Variants in MCPH1 observed in about 807,000 individuals in gnomAD.
The protein encoded by MCPH1 is microcephalin.
Under a neutral mutation model 84.5 loss-of-function variants are expected in MCPH1, and 104 were observed. That is an observed-to-expected ratio of 1.23 (90% CI 1.05 to 1.45). The LOEUF (loss-of-function observed/expected upper bound fraction) is 1.45. MCPH1 is among the 40% of genes most tolerant of loss of function. The probability of loss-of-function intolerance (pLI) is 0.00; values close to 1 mark genes in which losing one functional copy is unlikely to be tolerated. For missense variants in MCPH1, 1,498 were observed against 1,005.7 expected (o/e 1.49, Z -6.62); for synonymous variants, 514 against 366.8 (o/e 1.40, Z -4.58).
intron 12 of MCPH1, among the ~76,000 whole-genome samples, chr8:6,590,300 G>A (rs1219501428): frequency 1.3e-5 from 2 of 152,194 alleles, no homozygotes; most frequent in East Asian, 1.9e-4. Context: ...TGGAGTGGAG[G>A]GAATGTCCTA....
chr8:6,587,376 T>C (rs1828081044), intron 12 of MCPH1, among the ~76,000 whole-genome samples: 1 of 152,174 alleles, frequency 6.6e-6, no homozygotes, highest in South Asian at 2.1e-4. Flanking sequence ...ATGGTTCTTG[T>C]TCCCCCAGCT....
chr8:6,451,280 C>A (rs1366950345), intron 8 of MCPH1, among the ~76,000 whole-genome samples: 1 of 152,170 alleles, frequency 6.6e-6, no homozygotes, highest in African/African-American at 2.4e-5. Flanking sequence ...TTGGTTGATT[C>A]ATTCATTCAT....
intron 12 of MCPH1, among the ~76,000 whole-genome samples, chr8:6,503,941 T>G (rs969193902): frequency 6.6e-6 from 1 of 152,168 alleles, no homozygotes. Flanking sequence ...TAGTCCCCCC[T>G]TATCTGCTAT....
chr8:6,486,002 T>G (rs887054625), intron 11 of MCPH1, among the ~76,000 whole-genome samples: 4 of 152,176 alleles, frequency 2.6e-5, no homozygotes, highest in African/African-American at 4.8e-5. Flanking sequence ...CAAAGATGAC[T>G]GCTGCTTCTT....
rs995904304 is a variant in MCPH1, at chr8:6,643,199, A to T, written c.*150A>T. On this transcript the variant is annotated 3_prime_UTR_variant, in exon 14 of 14. Coordinates refer to ENST00000344683, the MANE Select transcript of MCPH1 (RefSeq NM_024596.5). ...TTGCCATGTGTTGTGGTTCTTAAGA[A>T]CTCATAGGTGACTTTCTGATGACTG... 3 of 725,190 alleles carry T rather than the reference A, an allele frequency of 4.1e-6. No homozygotes were observed. Among genetic ancestry groups the T allele is most frequent in the Non-Finnish European group, 7.4e-6 (3 of 406,480 alleles). The allele number at this position is 725,190 out of a possible 1,614,324, so 44.9% of individuals were successfully genotyped here.
intron 11 of MCPH1, among the ~76,000 whole-genome samples, chr8:6,481,220 T>C (rs1419214588): frequency 2.0e-5 from 3 of 152,160 alleles, no homozygotes; most frequent in African/African-American, 7.2e-5. Flanking sequence ...CCAAGAAACA[T>C]TGTGAGCTGT....
At chr8:6,481,340 G>C (rs1809214724) in intron 11 of MCPH1, among the ~76,000 whole-genome samples, 1 of 152,136 alleles carries the variant, frequency 6.6e-6, no homozygotes, top group African/African-American at 2.4e-5. Flanking sequence ...TTTATCCTAT[G>C]TATATCTATC....
intron 10 of MCPH1, among the ~76,000 whole-genome samples, chr8:6,479,933 T>C (rs1808971902): frequency 6.6e-6 from 1 of 152,264 alleles, no homozygotes; most frequent in African/African-American, 2.4e-5. Flanking sequence ...AGGGTCTTTT[T>C]TCCCCTCTTA....
At chr8:6,556,569 C>A (rs1824644542) in intron 12 of MCPH1, among the ~76,000 whole-genome samples, 1 of 152,106 alleles carries the variant, frequency 6.6e-6, no homozygotes, top group South Asian at 2.1e-4. Flanking sequence ...ACGTTCTGAC[C>A]AAAGCATAGT....
chr8:6,611,682 C>A (rs1309959454), intron 12 of MCPH1, among the ~76,000 whole-genome samples: 1 of 152,094 alleles, frequency 6.6e-6, no homozygotes, highest in East Asian at 1.9e-4. Flanking sequence ...GCAGTGGCGC[C>A]ATCTCAGCTC....
intron 11 of MCPH1, among the ~76,000 whole-genome samples, chr8:6,486,348 A>G (rs151076329): frequency 3.7e-4 from 56 of 151,018 alleles, no homozygotes; most frequent in African/African-American, 7.8e-4. Flanking sequence ...CCTGTCTCCA[A>G]TGTAGTTGGG....
intron 12 of MCPH1, among the ~76,000 whole-genome samples, chr8:6,590,540 T>G (rs1456997278): frequency 6.6e-6 from 1 of 152,232 alleles, no homozygotes; most frequent in Non-Finnish European, 1.5e-5. Context: ...GGGTTCTGGT[T>G]GACCAGAGGC....
intron 12 of MCPH1, chr8:6,562,855 T>A (rs1825767602): frequency 6.2e-7 from 1 of 1,613,084 alleles, no homozygotes; most frequent in Admixed American, 1.7e-5. Context: ...TCCTATGCTG[T>A]CCATGCTCTT....
intron 13 of MCPH1, 27 bp from the exon 14 acceptor site, chr8:6,642,967 C>G (rs1273331595): frequency 1.2e-6 from 2 of 1,611,004 alleles, no homozygotes; most frequent in Admixed American, 1.7e-5. Flanking sequence ...ATTATGAATG[C>G]TAAACTGCTT....
At chr8:6,446,968 G>A (rs1345542935) in intron 8 of MCPH1, 11 of 985,268 alleles carry the variant, frequency 1.1e-5, no homozygotes, top group Admixed American at 6.1e-5. Flanking sequence ...TGGTGGGGAC[G>A]GAGAGGTTTT....
chr8:6,481,186 C>G (rs1250589028), intron 11 of MCPH1, among the ~76,000 whole-genome samples: 2 of 152,198 alleles, frequency 1.3e-5, no homozygotes, highest in African/African-American at 4.8e-5. Flanking sequence ...TTCTCACAGT[C>G]AAAGAGCTTT....
intron 12 of MCPH1, among the ~76,000 whole-genome samples, chr8:6,526,648 C>A (rs1479840011): frequency 1.3e-5 from 2 of 152,110 alleles, no homozygotes; most frequent in South Asian, 2.1e-4. Flanking sequence ...CAGCTTAGTT[C>A]TTGATTAACA....
rs774737058 is a variant in MCPH1 at position 6,519,870 on chromosome 8, C to G, written c.2214+19941C>G. The G allele has an allele frequency of 5.0e-6, 8 of 1,613,836 alleles. No individual in the cohort carries two copies. In the South Asian group the frequency reaches 6.6e-5, roughly 13 times the overall value. On this transcript the variant is annotated intron_variant, in intron 12 of 13. Transcript: ENST00000344683. Reference sequence around the variant, plus strand: ...GGGGAGACGAATACCTCACCTTGATCTCTTCTGTAGAATTAGGGAATGTTA... The same window carrying G: ...GGGGAGACGAATACCTCACCTTGATGTCTTCTGTAGAATTAGGGAATGTTA...
In MCPH1 at chr8:6,621,572, T is replaced by C. The variant is rs1831419885; in HGVS notation, c.2333T>C (p.Leu778Pro). 6.2e-7 allele frequency: 1 copy of C among 1,614,074 alleles called. No homozygotes were observed. The highest frequency in any genetic ancestry group is 1.3e-5 in the African/African-American group (1 of 74,932). ...SSPPVAKLCE[L>P]VHLCGGRVSQ... ...CCCCCAGTGGCCAAGCTCTGTGAAC[T>C]AGTCCACCTGTGCGGAGGCCGGGTC... The change falls in exon 13 of 14, where the codon CTA becomes CCA. Residue 778 changes from leucine to proline, a missense_variant. Transcript: ENST00000344683.
Sources: gnomAD v4.1 joint callset for allele counts (sites outside exome capture counted in the v4.1 genomes callset) on GRCh38, gnomAD v4.1.1 for gene constraint, MANE v1.5 for transcripts, NCBI Gene and HGNC (gene_info 2026-07-23, HGNC 2026-07-21) for gene names.